HPGDS: variants seen among roughly 807,000 people sequenced by gnomAD.
The protein encoded by HPGDS is GST class-sigma.
HPGDS carries 26 observed loss-of-function variants against 23.1 expected under a neutral mutation model. The observed-to-expected ratio is 1.13, with a 90% CI of 0.83 to 1.56. The LOEUF is 1.56. HPGDS is among the 40% of genes most tolerant of loss of function. The pLI, the probability that HPGDS is intolerant of heterozygous loss-of-function variation, is 0.00. For missense variants in HPGDS, 268 were observed against 236.4 expected, an observed-to-expected ratio of 1.13 and a Z score of -0.88; for synonymous variants, 95 against 77.9, an observed-to-expected ratio of 1.22 and a Z score of -1.16.
intron 2 of HPGDS, among the ~76,000 whole-genome samples, chr4:94,327,287 C>G (rs1315370409): frequency 6.6e-6 from 1 of 152,120 alleles, no homozygotes; most frequent in Non-Finnish European, 1.5e-5. Context: ...GTAGGTTGAT[C>G]CTCAGGCCAC....
chr4:94,311,610 G>T lies in HPGDS; in HGVS notation c.227-2867C>A, dbSNP rs555340752. Among the ~76,000 whole-genome samples, 159 of 151,186 alleles carry T rather than the reference G, an allele frequency of 1.1e-3. 5 individuals are homozygous for T. Among genetic ancestry groups the T allele is most frequent in the African/African-American group, 3.8e-3 (154 of 40,702 alleles). ...TGGTCTAAACTTCTCTTTTTTTGTT[G>T]TGTCTCTGCCAGGCTTTGGTATCAG... is the stretch of plus-strand genomic sequence containing the variant. On this transcript the variant is annotated intron_variant, in intron 3 of 5. Transcript: ENST00000295256.
intron 3 of HPGDS, among the ~76,000 whole-genome samples, chr4:94,311,368 G>A (rs1756268112): frequency 6.6e-6 from 1 of 151,244 alleles, no homozygotes; most frequent in Admixed American, 6.6e-5. Flanking sequence ...TTGTGTCCAA[G>A]GCCTTTTCTG....
At chr4:94,307,405 T>A (rs1189551359) in intron 4 of HPGDS, among the ~76,000 whole-genome samples, 1 of 152,016 alleles carries the variant, frequency 6.6e-6, no homozygotes, top group Non-Finnish European at 1.5e-5. Context: ...GCAGTGTGAC[T>A]CACAAGATAG....
intron 3 of HPGDS, among the ~76,000 whole-genome samples, chr4:94,312,435 G>T (rs1756294719): frequency 6.6e-6 from 1 of 152,220 alleles, no homozygotes; most frequent in Non-Finnish European, 1.5e-5. Context: ...CAGTTTACAT[G>T]TAGTTGAGCG....
intron 2 of HPGDS, among the ~76,000 whole-genome samples, chr4:94,325,385 G>A (rs1756609644): frequency 6.6e-6 from 1 of 152,210 alleles, no homozygotes; most frequent in Non-Finnish European, 1.5e-5. Flanking sequence ...ACTGCCCCCA[G>A]AGGTGGAGTC....
In HPGDS at chr4:94,302,900, G is replaced by C. The variant is rs186119293; in HGVS notation, c.337-656C>G. On this transcript the variant is annotated intron_variant, in intron 4 of 5. Transcript: ENST00000295256. ...ATATAAAACATCCATTTTTTTAATT[G>C]TCATCATTTTTCTACTTAAAGCTCT... Among the ~76,000 whole-genome samples, 5 of 151,834 alleles carry C rather than the reference G, an allele frequency of 3.3e-5. No homozygotes were observed. The East Asian group carries it at 7.8e-4, about 24-fold the overall frequency.
At chr4:94,338,381 C>T (rs1048642475) in intron 1 of HPGDS, among the ~76,000 whole-genome samples, 2 of 152,122 alleles carry the variant, frequency 1.3e-5, no homozygotes, top group South Asian at 2.1e-4. Flanking sequence ...GCCAAGACCG[C>T]GACACTTCAC....
intron 2 of HPGDS, among the ~76,000 whole-genome samples, chr4:94,327,545 A>G (rs1756658148): frequency 6.6e-6 from 1 of 152,082 alleles, no homozygotes; most frequent in Non-Finnish European, 1.5e-5. Context: ...AGGTCCTGGA[A>G]TGGCATATTG....
chr4:94,326,477 C>CT (rs200178093), intron 2 of HPGDS, among the ~76,000 whole-genome samples: 3,765 of 152,112 alleles, frequency 0.025, 104 homozygotes, highest in African/African-American at 0.075. Flanking sequence ...AGAAATTCTT[C>CT]GCTTGACCTA....
chr4:94,322,220 A>C (rs1756526470), intron 2 of HPGDS, among the ~76,000 whole-genome samples: 1 of 86,262 alleles, frequency 1.2e-5, no homozygotes, highest in Non-Finnish European at 2.5e-5. Flanking sequence ...TTGGTCTAAA[A>C]TTCTCTTTTT....
At chr4:94,310,444 T>C (rs1756240993) in intron 3 of HPGDS, among the ~76,000 whole-genome samples, 1 of 152,194 alleles carries the variant, frequency 6.6e-6, no homozygotes. Context: ...TGGTTGTAGA[T>C]GTGTGGTATT....
intron 3 of HPGDS, among the ~76,000 whole-genome samples, chr4:94,309,193 C>T (rs944572085): frequency 6.6e-6 from 1 of 150,574 alleles, no homozygotes; most frequent in Non-Finnish European, 1.5e-5. Context: ...CATATGTATA[C>T]ATGTGCCATG....
intron 3 of HPGDS, among the ~76,000 whole-genome samples, chr4:94,310,695 G>A (rs114406969): frequency 0.052 from 7,922 of 152,172 alleles, 313 homozygotes; most frequent in Non-Finnish European, 0.08. Context: ...AGCTTGATGG[G>A]AACGGCACTA....
At chr4:94,325,823 G>A (rs1338055266) in intron 2 of HPGDS, among the ~76,000 whole-genome samples, 1 of 152,146 alleles carries the variant, frequency 6.6e-6, no homozygotes, top group Non-Finnish European at 1.5e-5. Flanking sequence ...AGATGAACCA[G>A]GTACCTCAGT....
intron 3 of HPGDS, among the ~76,000 whole-genome samples, chr4:94,309,050 C>CTTTTTTTTT (rs34427506): frequency 2.9e-4 from 9 of 31,028 alleles, no homozygotes; most frequent in Admixed American, 4.3e-4. Flanking sequence ...GGTGTACTTG[C>CTTTTTTTTT]TTTTTTTTTT....
chr4:94,328,548 A>C (rs1756680001), intron 2 of HPGDS, among the ~76,000 whole-genome samples: 1 of 152,238 alleles, frequency 6.6e-6, no homozygotes. Flanking sequence ...AAAATTATAA[A>C]CTGATAAATG....
At chr4:94,322,240 C>G (rs1443789332) in intron 2 of HPGDS, among the ~76,000 whole-genome samples, 3 of 152,012 alleles carry the variant, frequency 2.0e-5, no homozygotes, top group Non-Finnish European at 4.4e-5. Context: ...TTTTGTGTCT[C>G]TGCCAGGCTT....
intron 2 of HPGDS, among the ~76,000 whole-genome samples, chr4:94,329,783 G>A (rs926221016): frequency 6.6e-6 from 1 of 152,162 alleles, no homozygotes; most frequent in Non-Finnish European, 1.5e-5. Flanking sequence ...ATTTAAGAAG[G>A]CAAATGCTAA....
In HPGDS at chr4:94,299,051, A is replaced by T. The variant is rs1227942679; in HGVS notation, c.*429T>A. 6.4e-6 allele frequency: 1 copy of T among 156,010 alleles called. No individual in the cohort carries two copies. The highest frequency in any genetic ancestry group is 1.4e-5 in the Non-Finnish European group (1 of 70,430). The allele number at this position is 156,010 out of a possible 1,614,324, so 9.7% of individuals were successfully genotyped here. Reference sequence around the variant, plus strand: ...TGATAGAAGTGACTGGTCATTGGTCATGATGTACATAGGTTATTTACACAG... The same window carrying T: ...TGATAGAAGTGACTGGTCATTGGTCTTGATGTACATAGGTTATTTACACAG... On this transcript the variant is annotated 3_prime_UTR_variant, in exon 6 of 6. Transcript: ENST00000295256.
Sources: allele counts gnomAD v4.1 joint callset (sites outside exome capture counted in the v4.1 genomes callset), GRCh38; gene constraint gnomAD v4.1.1; transcripts MANE v1.5; gene names NCBI Gene and HGNC (gene_info 2026-07-23, HGNC 2026-07-21).